GALNTL5: variants seen among roughly 807,000 people sequenced by gnomAD.
The protein encoded by GALNTL5 is polypeptide N-acetylgalactosaminyltransferase like 5.
Under a neutral mutation model 51.0 loss-of-function variants are expected in GALNTL5, and 44 were observed. The ratio of observed to expected loss-of-function variants is 0.86; its 90% CI spans 0.68 to 1.11. The LOEUF is 1.11. GALNTL5 is among the 50% of genes least tolerant of loss of function. GALNTL5 has a pLI of 0.00. For missense variants in GALNTL5, 528 were observed against 531.8 expected (o/e 0.99, Z 0.07); for synonymous variants, 192 against 182.8 (o/e 1.05, Z -0.41).
At chr7:152,007,645 C>G (rs926038617) in intron 6 of GALNTL5, among the ~76,000 whole-genome samples, 182 bp from the exon 7 acceptor site, 2 of 151,988 alleles carry the variant, frequency 1.3e-5, no homozygotes, top group African/African-American at 4.8e-5. Context: ...GTCTCGATCT[C>G]CTGAACTCGT....
At chr7:152,013,433 A>G (rs1586856364) in intron 7 of GALNTL5, among the ~76,000 whole-genome samples, 1 of 152,304 alleles carries the variant, frequency 6.6e-6, no homozygotes, top group East Asian at 1.9e-4. Flanking sequence ...ATAACAAACT[A>G]TCCCAAAACA....
intron 5 of GALNTL5, among the ~76,000 whole-genome samples, chr7:151,997,053 G>A (rs1015914802): frequency 1.2e-4 from 18 of 152,152 alleles, no homozygotes; most frequent in African/African-American, 4.1e-4. Context: ...CTAGAGAAAT[G>A]GTGCAAATAG....
chr7:151,986,589 C>T (rs2081361978), intron 4 of GALNTL5, among the ~76,000 whole-genome samples: 1 of 152,152 alleles, frequency 6.6e-6, no homozygotes, highest in South Asian at 2.1e-4. Flanking sequence ...GAGCTATGAT[C>T]ATGCCACTGC....
At chr7:151,987,503 G>C (rs551834071) in intron 5 of GALNTL5, among the ~76,000 whole-genome samples, 1 of 152,130 alleles carries the variant, frequency 6.6e-6, no homozygotes, top group African/African-American at 2.4e-5. Flanking sequence ...TCTTTCGCAG[G>C]GACGTTAATG....
intron 5 of GALNTL5, among the ~76,000 whole-genome samples, chr7:151,988,109 T>C (rs2081383955): frequency 6.6e-6 from 1 of 152,184 alleles, no homozygotes; most frequent in Non-Finnish European, 1.5e-5. Context: ...CAAGAGCCAT[T>C]CAGAGGGATC....
At chr7:151,958,453 G>A (rs1342306934) in intron 1 of GALNTL5, among the ~76,000 whole-genome samples, 1 of 152,208 alleles carries the variant, frequency 6.6e-6, no homozygotes, top group Non-Finnish European at 1.5e-5. Context: ...CCCAAGGTCT[G>A]AGCCCCCAAG....
rs182110483 is a variant in GALNTL5, at chr7:151,983,018, C to T, written c.401C>T (p.Pro134Leu). 15 of 1,614,176 alleles carry T rather than the reference C, an allele frequency of 9.3e-6. No homozygotes were observed. Among genetic ancestry groups the T allele is most frequent in the Admixed American group, 6.7e-5 (4 of 60,024 alleles). The change falls in exon 4 of 9, where the codon CCG becomes CTG. Residue 134 changes from proline to leucine, a missense_variant. Pro to Leu is a moderately conservative substitution (Grantham distance 98, BLOSUM62 -3). Transcript: ENST00000392800. ...CAAAAACATTACCCAGCCCGCCTCC[C>T]GACTGCCAGCATTGTCATTTGCTTC... ...CLQKHYPARL[P>L]TASIVICFYN...
chr7:151,959,438 C>T (rs1473833908), intron 1 of GALNTL5, among the ~76,000 whole-genome samples: 1 of 152,116 alleles, frequency 6.6e-6, no homozygotes, highest in South Asian at 2.1e-4. Context: ...ATATTTGATA[C>T]TTTTAATTGG....
chr7:151,994,317 T>C (rs1056976591), intron 5 of GALNTL5, among the ~76,000 whole-genome samples: 2 of 152,224 alleles, frequency 1.3e-5, no homozygotes, highest in Non-Finnish European at 2.9e-5. Flanking sequence ...TTTTCTTTTT[T>C]ATCAACTCTA....
chr7:152,002,758 G>C lies in GALNTL5; in HGVS notation c.703G>C (p.Val235Leu). Residue 235 changes from valine (V) to leucine (L), a missense_variant, in exon 6 of 9, where the codon GTA becomes CTA. Val to Leu is a conservative substitution (Grantham distance 32). Transcript: ENST00000392800. ...FLDSHCEVNR[V>L]WLEPLLHAIA... Reference sequence around the variant, plus strand: ...GGACAGCCACTGTGAGGTGAACAGAGTATGGCTGGAGCCCCTGCTGCATGC... The same window carrying C: ...GGACAGCCACTGTGAGGTGAACAGACTATGGCTGGAGCCCCTGCTGCATGC... 1 of 1,614,200 alleles carries C rather than the reference G, an allele frequency of 6.2e-7. No individual in the cohort carries two copies. Among genetic ancestry groups the C allele is most frequent in the Non-Finnish European group, 8.5e-7 (1 of 1,180,016 alleles).
At chr7:151,973,062 G>A (rs959798428) in intron 3 of GALNTL5, among the ~76,000 whole-genome samples, 14 of 152,110 alleles carry the variant, frequency 9.2e-5, no homozygotes, top group African/African-American at 3.4e-4. Flanking sequence ...GTACCCTGCA[G>A]AGCCACAGAA....
At chr7:151,990,752 A>G (rs563245889) in intron 5 of GALNTL5, among the ~76,000 whole-genome samples, 11 of 151,064 alleles carry the variant, frequency 7.3e-5, no homozygotes, top group African/African-American at 2.7e-4. Flanking sequence ...TCCCCTCCAC[A>G]CTCATTTCCT....
Position 152,007,807 on chromosome 7 carries a change from T to C in GALNTL5, c.909-20T>C. On this transcript the variant is annotated intron_variant, in intron 6 of 8. Transcript: ENST00000392800. ...GACTTTCTCTGTGAAATTAATTTCA[T>C]ATTTATGTCCCCTTTCTAGGTCACC... The C allele has an allele frequency of 7.9e-7, 1 of 1,269,110 alleles. No individual in the cohort carries two copies. The highest frequency in any genetic ancestry group is 1.2e-6 in the Non-Finnish European group (1 of 868,256). The allele number at this position is 1,269,110 out of a possible 1,614,324, so 78.6% of individuals were successfully genotyped here.
intron 3 of GALNTL5, among the ~76,000 whole-genome samples, chr7:151,979,259 G>A (rs1352930883): frequency 4.5e-4 from 65 of 145,172 alleles, no homozygotes; most frequent in Admixed American, 3.6e-3. Flanking sequence ...ACAGGTGCCC[G>A]CCACCACGCC....
At chr7:151,962,437 T>C (rs1021543665) in intron 1 of GALNTL5, among the ~76,000 whole-genome samples, 3 of 126,236 alleles carry the variant, frequency 2.4e-5, no homozygotes, top group East Asian at 2.2e-4. Context: ...TTTTTTTTTC[T>C]TTTTTTTTTT....
intron 3 of GALNTL5, among the ~76,000 whole-genome samples, chr7:151,978,970 G>A (rs1398493515): frequency 2.0e-5 from 3 of 152,212 alleles, no homozygotes; most frequent in Non-Finnish European, 4.4e-5. Context: ...AATTTTGGAA[G>A]ACACAATTCA....
In GALNTL5 at chr7:151,987,273, A is replaced by G. The variant is rs557503749; in HGVS notation, c.650A>G (p.His217Arg). 1.3e-6 allele frequency: 2 copies of G among 1,577,852 alleles called. No individual in the cohort carries two copies. Among genetic ancestry groups the G allele is most frequent in the East Asian group, 4.6e-5 (2 of 43,620 alleles). Residue 217 changes from histidine (H) to arginine (R), a missense_variant, in exon 5 of 9, where the codon CAT becomes CGT. His to Arg is a conservative substitution (Grantham distance 29). Coordinates refer to ENST00000392800, the MANE Select transcript of GALNTL5 (RefSeq NM_145292.4). ...CGAGCAAGGCTGATTGGAGCTTCTC[A>G]TGCTTCAGGTAGGAACATTCCTGGG... ...LIRARLIGAS[H>R]ASGDVLVFLD...
chr7:152,002,995 G>A, intron 6 of GALNTL5, 32 bp downstream of exon 6: 1 of 1,601,260 alleles, frequency 6.2e-7, no homozygotes, highest in Non-Finnish European at 8.5e-7. Context: ...GAAAAATATA[G>A]CATACGTGTA....
At chr7:151,958,864 G>A (rs548534614) in intron 1 of GALNTL5, among the ~76,000 whole-genome samples, 20 of 152,180 alleles carry the variant, frequency 1.3e-4, no homozygotes, top group Non-Finnish European at 2.9e-4. Context: ...GACACAAGAG[G>A]GGATCCAAAG....
Sources: gnomAD v4.1 joint callset for allele counts (sites outside exome capture counted in the v4.1 genomes callset) on GRCh38, gnomAD v4.1.1 for gene constraint, MANE v1.5 for transcripts, NCBI Gene and HGNC (gene_info 2026-07-23, HGNC 2026-07-21) for gene names.